Variants in TLN2 observed in about 807,000 individuals in gnomAD.
TLN2 encodes the protein talin-2.
TLN2 carries 118 observed loss-of-function variants against 294.7 expected under a neutral mutation model. The observed-to-expected ratio is 0.40, with a 90% confidence interval of 0.34 to 0.47. The LOEUF is 0.47. Among genes scored for constraint, TLN2 ranks in the 20% least tolerant of loss-of-function variants. The probability of loss-of-function intolerance (pLI) is 0.84; values close to 1 mark genes in which losing one functional copy is unlikely to be tolerated. For missense variants in TLN2, 3,083 were observed against 3,282.2 expected (o/e 0.94, Z 1.48); for synonymous variants, 1,431 against 1,304.5 (o/e 1.10, Z -2.09).
intron 1 of TLN2, among the ~76,000 whole-genome samples, chr15:62,437,415 T>C (rs2035337527): frequency 1.4e-5 from 2 of 143,962 alleles, no homozygotes; most frequent in South Asian, 2.2e-4. Flanking sequence ...ACACCTGACC[T>C]TTTTTTTTTT....
In TLN2 at chr15:62,708,744, T is replaced by C. The variant is rs1370597165; in HGVS notation, c.2415T>C (p.Thr805=). The C allele has an allele frequency of 6.2e-7, 1 of 1,610,678 alleles. No homozygotes were observed. The highest frequency in any genetic ancestry group is 2.2e-5 in the East Asian group (1 of 44,886). The part of the protein sequence containing the change: ...GEPIGRYDQA[T]DTIMCVTESI... ...CCATCGGCCGCTACGACCAGGCTAC[T>C]GACACCATCATGTGTGTCACCGAGA... is the stretch of plus-strand genomic sequence containing the variant. Residue 805 remains threonine (T), a synonymous_variant, in exon 21 of 59, where the codon ACT becomes ACC. Coordinates refer to ENST00000636159, the MANE Select transcript of TLN2 (RefSeq NM_015059.3).
At chr15:62,702,936 T>A in intron 19 of TLN2, 72 bp downstream of exon 19, 1 of 1,395,710 alleles carries the variant, frequency 7.2e-7, no homozygotes, top group Non-Finnish European at 1.0e-6. Flanking sequence ...AGGCAGAATG[T>A]AATATTTGAA....
chr15:62,513,403 A>G (rs981479068), intron 1 of TLN2, among the ~76,000 whole-genome samples: 2 of 152,190 alleles, frequency 1.3e-5, no homozygotes, highest in African/African-American at 2.4e-5. Context: ...AGCATCTGTG[A>G]TGCGTTGTCT....
chr15:62,419,636 C>CTTT (rs896500840), intron 1 of TLN2, among the ~76,000 whole-genome samples: 2 of 116,544 alleles, frequency 1.7e-5, no homozygotes, highest in East Asian at 5.0e-4. Context: ...AAGCAGAGGT[C>CTTT]TTTTTTTTTT....
chr15:62,675,579 C>G (rs2056090792), intron 11 of TLN2, among the ~76,000 whole-genome samples: 1 of 152,164 alleles, frequency 6.6e-6, no homozygotes, highest in Non-Finnish European at 1.5e-5. Flanking sequence ...CTATAAAGTC[C>G]CTGAAGGAGT....
At chr15:62,534,833 A>G (rs908004989) in intron 1 of TLN2, among the ~76,000 whole-genome samples, 1 of 152,170 alleles carries the variant, frequency 6.6e-6, no homozygotes, top group Non-Finnish European at 1.5e-5. Flanking sequence ...CTGTCAGGAA[A>G]CTAGGAACAA....
chr15:62,581,864 C>T (rs1315105248), intron 1 of TLN2, among the ~76,000 whole-genome samples: 1 of 151,682 alleles, frequency 6.6e-6, no homozygotes, highest in Non-Finnish European at 1.5e-5. Context: ...GTCAACATGG[C>T]AAAACCCTGT....
At chr15:62,678,191 C>T (rs934016359) in intron 11 of TLN2, among the ~76,000 whole-genome samples, 2 of 151,940 alleles carry the variant, frequency 1.3e-5, no homozygotes, top group African/African-American at 2.4e-5. Context: ...TTGCTCACTC[C>T]AGTGTTTTGC....
intron 1 of TLN2, among the ~76,000 whole-genome samples, chr15:62,557,702 C>T (rs569276984): frequency 2.1e-4 from 32 of 152,246 alleles, no homozygotes; most frequent in Admixed American, 3.3e-4. Flanking sequence ...CCACCACACC[C>T]GGCTAATTTT....
chr15:62,619,673 G>A (rs1457173486), intron 3 of TLN2, among the ~76,000 whole-genome samples: 1 of 152,282 alleles, frequency 6.6e-6, no homozygotes, highest in East Asian at 1.9e-4. Flanking sequence ...GTAGGAAGAG[G>A]AGAGGCCACA....
chr15:62,561,419 A>G (rs1287891009), intron 1 of TLN2: 1 of 152,236 alleles, frequency 6.6e-6, no homozygotes, highest in Non-Finnish European at 1.5e-5. Context: ...AGAGGAGCTG[A>G]GGGCCCTATG....
At chr15:62,462,717 C>T (rs1002897360) in intron 1 of TLN2, among the ~76,000 whole-genome samples, 1 of 152,184 alleles carries the variant, frequency 6.6e-6, no homozygotes, top group Admixed American at 6.5e-5. Context: ...GCCAGCTGGG[C>T]TCTGGGCTTC....
chr15:62,828,325 C>G (rs2068422364), intron 54 of TLN2: 1 of 152,270 alleles, frequency 6.6e-6, no homozygotes, highest in Non-Finnish European at 1.5e-5. Flanking sequence ...TTGCTTAGAG[C>G]TGATGGGCAC....
chr15:62,777,878 C>T (rs2063831375), intron 43 of TLN2, among the ~76,000 whole-genome samples: 2 of 152,176 alleles, frequency 1.3e-5, no homozygotes, highest in South Asian at 2.1e-4. Context: ...TTCTTTCCCC[C>T]AAAGAATCCT....
At chr15:62,570,147 C>A (rs773714707) in intron 1 of TLN2, among the ~76,000 whole-genome samples, 2 of 152,138 alleles carry the variant, frequency 1.3e-5, no homozygotes, top group Non-Finnish European at 2.9e-5. Context: ...GTATGTGTTT[C>A]CAAAGTGGTT....
At chr15:62,473,227 C>T (rs1185822177) in intron 1 of TLN2, among the ~76,000 whole-genome samples, 1 of 152,166 alleles carries the variant, frequency 6.6e-6, no homozygotes, top group East Asian at 1.9e-4. Context: ...TGTTCCTTGT[C>T]AGGCCCCACC....
At chr15:62,735,337 G>A (rs974468785) in intron 28 of TLN2, among the ~76,000 whole-genome samples, 3 of 152,142 alleles carry the variant, frequency 2.0e-5, no homozygotes, top group African/African-American at 7.2e-5. Context: ...CGTTTATTCC[G>A]CATGAGGTGG....
chr15:62,424,157 G>C (rs539228129), intron 1 of TLN2, among the ~76,000 whole-genome samples: 108 of 152,302 alleles, frequency 7.1e-4, no homozygotes, highest in South Asian at 2.3e-3. Context: ...TCAGTGGGTT[G>C]TGGTGGGATT....
intron 1 of TLN2, among the ~76,000 whole-genome samples, chr15:62,443,396 T>A (rs1448851237): frequency 6.6e-6 from 1 of 152,204 alleles, no homozygotes; most frequent in Non-Finnish European, 1.5e-5. Flanking sequence ...ACACTGACAT[T>A]AATTGGCAAA....
Sources: allele counts gnomAD v4.1 joint callset (sites outside exome capture counted in the v4.1 genomes callset), GRCh38; gene constraint gnomAD v4.1.1; transcripts MANE v1.5; gene names NCBI Gene and HGNC (gene_info 2026-07-23, HGNC 2026-07-21).